The following NALCN variants were observed in gnomAD, a reference collection of about 807,000 sequenced individuals.
NALCN encodes the protein sodium leak channel, non-selective.
NALCN carries 111 observed loss-of-function variants against 225.3 expected under a neutral mutation model. The ratio of observed to expected loss-of-function variants is 0.49; its 90% CI spans 0.42 to 0.58. The LOEUF (loss-of-function observed/expected upper bound fraction) is 0.58. NALCN is among the 20% of genes least tolerant of loss of function. The pLI is 0.00. For synonymous variants in NALCN, 764 were observed against 769.0 expected, an observed-to-expected ratio of 0.99 and a Z score of 0.11; for missense variants, 1,378 against 2,202.4, an observed-to-expected ratio of 0.63 and a Z score of 7.49.
chr13:101,211,056 T>C lies in NALCN; in HGVS notation c.1626+18337A>G, dbSNP rs117413138. 8.0e-3 allele frequency among the ~76,000 whole-genome samples: 1,218 copies of C among 152,264 alleles called. 9 individuals are homozygous for C. Among genetic ancestry groups the C allele is most frequent in the Non-Finnish European group, 0.01 (711 of 68,020 alleles). On this transcript the variant is annotated intron_variant, in intron 13 of 43. Transcript: ENST00000251127. ...CATACAGACACAAATGTATGAACTG[T>C]CCTCTTTTTGTAGGCAAGAATCCAC...
intron 10 of NALCN, among the ~76,000 whole-genome samples, chr13:101,268,738 A>G (rs2042678928): frequency 6.6e-6 from 1 of 152,220 alleles, no homozygotes; most frequent in African/African-American, 2.4e-5. Flanking sequence ...AACTTTTCCT[A>G]TATCCTGCCC....
Position 101,146,759 on chromosome 13 carries a change from C to T in NALCN, c.1840-1863G>A, listed in dbSNP as rs181273508. On this transcript the variant is annotated intron_variant, in intron 15 of 43. Coordinates refer to ENST00000251127, the MANE Select transcript of NALCN (RefSeq NM_052867.4). ...CAAATCTTACAGGTCAGGTTCTGTG[C>T]TAAGCTCAGGGGATATAAAAAGAAA... Among the ~76,000 whole-genome samples the T allele has an allele frequency of 3.3e-5, 5 of 152,270 alleles. No individual in the cohort carries two copies. In the East Asian group the frequency reaches 9.7e-4, roughly 29 times the overall value.
At chr13:101,290,657 C>G (rs891914260) in intron 9 of NALCN, among the ~76,000 whole-genome samples, 11 of 152,172 alleles carry the variant, frequency 7.2e-5, no homozygotes, top group Non-Finnish European at 1.5e-5. Context: ...TTTACAGCAT[C>G]ATAAAGATGC....
At chr13:101,312,393 C>A (rs1445525572) in intron 7 of NALCN, among the ~76,000 whole-genome samples, 1 of 151,890 alleles carries the variant, frequency 6.6e-6, no homozygotes, top group Non-Finnish European at 1.5e-5. Flanking sequence ...TATTTCTTGC[C>A]TTCTGCTAGC....
chr13:101,220,927 A>G (rs1452238364), intron 13 of NALCN, among the ~76,000 whole-genome samples: 1 of 152,176 alleles, frequency 6.6e-6, no homozygotes, highest in African/African-American at 2.4e-5. Context: ...TGCAGAAGAA[A>G]AAAAAACACA....
In NALCN at chr13:101,297,115, T is replaced by G. The variant is rs2043784958; in HGVS notation, c.800-4749A>C. ...TTTGTGTTTTGGGAGTACTCCCATT[T>G]GTTTCTTCTAGTCTTAGGTTACATA... On this transcript the variant is annotated intron_variant, in intron 7 of 43. Transcript: ENST00000251127. Among the ~76,000 whole-genome samples the G allele has an allele frequency of 3.3e-5, 5 of 152,234 alleles. No homozygotes were observed. The South Asian group carries it at 1.0e-3, about 31-fold the overall frequency.
At chr13:101,073,729 A>C in intron 36 of NALCN, 52 bp from the exon 37 acceptor site, 1 of 1,478,986 alleles carries the variant, frequency 6.8e-7, no homozygotes, top group East Asian at 2.3e-5. Flanking sequence ...AGGGTTTGTC[A>C]TGAAATAGCA....
chr13:101,398,309 C>T (rs4772379), intron 2 of NALCN, among the ~76,000 whole-genome samples: 18,481 of 152,106 alleles, frequency 0.12, 1,446 homozygotes, highest in East Asian at 0.37. Flanking sequence ...ATGTGTGTAT[C>T]ATGGTTGGGG....
intron 7 of NALCN, among the ~76,000 whole-genome samples, chr13:101,337,718 C>T (rs560601813): frequency 1.3e-5 from 2 of 152,314 alleles, no homozygotes; most frequent in African/African-American, 4.8e-5. Flanking sequence ...AGATGTGTTT[C>T]TTCCATCATC....
intron 17 of NALCN, among the ~76,000 whole-genome samples, chr13:101,140,879 G>A (rs759014346): frequency 6.6e-6 from 1 of 152,136 alleles, no homozygotes; most frequent in East Asian, 1.9e-4. Flanking sequence ...CACTATGGCC[G>A]TGCCTGTGAA....
At chr13:101,321,046 C>A (rs1005649845) in intron 7 of NALCN, among the ~76,000 whole-genome samples, 7 of 127,062 alleles carry the variant, frequency 5.5e-5, no homozygotes, top group Non-Finnish European at 1.1e-4. Flanking sequence ...TCTTGATTCT[C>A]TATTGCCCAT....
chr13:101,247,371 A>G (rs2041927944), intron 11 of NALCN, among the ~76,000 whole-genome samples: 1 of 152,200 alleles, frequency 6.6e-6, no homozygotes, highest in Non-Finnish European at 1.5e-5. Context: ...TCCAAATGAC[A>G]CTTAAAAACC....
chr13:101,384,229 C>T (rs1055263002), intron 3 of NALCN, among the ~76,000 whole-genome samples: 1 of 151,976 alleles, frequency 6.6e-6, no homozygotes, highest in East Asian at 1.9e-4. Context: ...TATTTTAACA[C>T]CTTAAATATG....
At chr13:101,407,636 T>A (rs2047661191) in intron 1 of NALCN, among the ~76,000 whole-genome samples, 1 of 152,210 alleles carries the variant, frequency 6.6e-6, no homozygotes, top group Non-Finnish European at 1.5e-5. Flanking sequence ...TTTAGTATTA[T>A]TCCCACTACA....
At chr13:101,300,756 T>A (rs1436913901) in intron 7 of NALCN, among the ~76,000 whole-genome samples, 1 of 152,242 alleles carries the variant, frequency 6.6e-6, no homozygotes, top group Non-Finnish European at 1.5e-5. Context: ...ACGTGGCATA[T>A]CAAGGCAATA....
At chr13:101,119,188 AATAC>A (rs1286630483) in intron 18 of NALCN, among the ~76,000 whole-genome samples, 1 of 152,224 alleles carries the variant, frequency 6.6e-6, no homozygotes, top group Non-Finnish European at 1.5e-5. Context: ...CAGATTAATA[AATAC>A]ATAGTGATTA....
chr13:101,240,306 T>C (rs1231436202), intron 11 of NALCN, among the ~76,000 whole-genome samples: 1 of 152,032 alleles, frequency 6.6e-6, no homozygotes, highest in Non-Finnish European at 1.5e-5. Context: ...ATAAGTTTTT[T>C]CCATATAAAT....
rs34125715 is a variant in NALCN, at chr13:101,301,720, C to CAA, written c.800-9356_800-9355dup. 2.2e-4 allele frequency among the ~76,000 whole-genome samples: 29 copies of CAA among 133,720 alleles called. No homozygotes were observed. The South Asian group carries it at 3.8e-3, about 18-fold the overall frequency. 87.7% of individuals were successfully genotyped at this position (133,720 alleles called of 152,430 possible). On this transcript the variant is annotated intron_variant, in intron 7 of 43. Transcript: ENST00000251127. Reference sequence around the variant, plus strand: ...TCGGGGACAGAGCAAGACTCTGTCTCAAAAAAAAAAGACAAGACAAGAAAA... The same window carrying CAA: ...TCGGGGACAGAGCAAGACTCTGTCTCAAAAAAAAAAAAGACAAGACAAGAAAA...
At chr13:101,411,900 A>C (rs191918539) in intron 1 of NALCN, among the ~76,000 whole-genome samples, 1 of 152,248 alleles carries the variant, frequency 6.6e-6, no homozygotes, top group African/African-American at 2.4e-5. Flanking sequence ...TTACAACGTA[A>C]GAGAATTGTC....
Sources: allele counts gnomAD v4.1 joint callset (sites outside exome capture counted in the v4.1 genomes callset), GRCh38; gene constraint gnomAD v4.1.1; transcripts MANE v1.5; gene names NCBI Gene and HGNC (gene_info 2026-07-23, HGNC 2026-07-21).